Variants in NPL observed in about 807,000 individuals in gnomAD.
NPL encodes the protein N-acetylneuraminate pyruvate lyase.
In NPL, 32 loss-of-function variants were observed where a neutral mutation model predicts 41.1. That is an observed-to-expected ratio of 0.78 (90% CI 0.59 to 1.05). NPL has a LOEUF of 1.05. NPL is among the 50% of genes least tolerant of loss of function. NPL has a pLI of 0.00. For missense variants in NPL, 321 were observed against 378.4 expected (o/e 0.85, Z 1.26); for synonymous variants, 128 against 134.9 (o/e 0.95, Z 0.35).
intron 3 of NPL, among the ~76,000 whole-genome samples, chr1:182,803,321 T>C (rs1369965471): frequency 1.3e-5 from 2 of 152,246 alleles, no homozygotes; most frequent in African/African-American, 4.8e-5. Context: ...TTTAACCATG[T>C]CTGCAACCAT....
intron 3 of NPL, among the ~76,000 whole-genome samples, chr1:182,796,895 C>T (rs906407374): frequency 4.6e-5 from 7 of 151,988 alleles, no homozygotes; most frequent in African/African-American, 1.5e-4. Flanking sequence ...ATTAGCCTGG[C>T]GTGGTGGCGC....
chr1:182,790,102 A>C (rs1297870909), intron 1 of NPL, among the ~76,000 whole-genome samples: 1 of 152,200 alleles, frequency 6.6e-6, no homozygotes, highest in Non-Finnish European at 1.5e-5. Context: ...AATTGAGCAG[A>C]AGAGAGCTTA....
chr1:182,815,432 C>T (rs1404629488), intron 7 of NPL, among the ~76,000 whole-genome samples: 1 of 152,088 alleles, frequency 6.6e-6, no homozygotes, highest in African/African-American at 2.4e-5. Flanking sequence ...AGGATAAAAA[C>T]AGACATTATT....
chr1:182,790,253 C>T (rs2102519144), intron 1 of NPL, among the ~76,000 whole-genome samples: 1 of 152,298 alleles, frequency 6.6e-6, no homozygotes, highest in Non-Finnish European at 1.5e-5. Flanking sequence ...ATTCTGCCCT[C>T]ACTTTCTGTC....
chr1:182,804,026 A>T (rs1385617205), intron 4 of NPL, among the ~76,000 whole-genome samples: 1 of 152,242 alleles, frequency 6.6e-6, no homozygotes, highest in Non-Finnish European at 1.5e-5. Context: ...AGATGAAAAT[A>T]TATGACTCAG....
At chr1:182,825,280 A>T (rs560672404) in intron 11 of NPL, among the ~76,000 whole-genome samples, 4 of 152,306 alleles carry the variant, frequency 2.6e-5, no homozygotes, top group African/African-American at 9.6e-5. Flanking sequence ...GGGGAAACAG[A>T]AAAGAACAAC....
intron 5 of NPL, 33 bp from the exon 6 acceptor site, chr1:182,812,123 C>A: frequency 6.2e-7 from 1 of 1,612,206 alleles, no homozygotes; most frequent in South Asian, 1.1e-5. Context: ...CCTCTAAACT[C>A]TAAGCGATGC....
rs540465212 is a variant in NPL, at chr1:182,808,058, G to A, written c.230+1826G>A. 7.2e-5 allele frequency among the ~76,000 whole-genome samples: 11 copies of A among 152,200 alleles called. No individual in the cohort carries two copies. The South Asian group carries it at 8.3e-4, about 11-fold the overall frequency. On this transcript the variant is annotated intron_variant, in intron 5 of 12. Transcript: ENST00000367553. ...CAGTGTAGCAGGGGCCATAGAGCCC[G>A]ACTGCCTGAGTTAGAGGCCCAGCTC...
intron 8 of NPL, among the ~76,000 whole-genome samples, chr1:182,817,170 C>A (rs900164958): frequency 6.6e-6 from 1 of 152,186 alleles, no homozygotes; most frequent in Non-Finnish European, 1.5e-5. Flanking sequence ...GTGCCTGTAG[C>A]ACATAGGAAA....
rs1055075288 is a variant in NPL, at chr1:182,815,610, A to G, written c.364+752A>G. ...TTTTTAAAGTTTTAAAAATTTTTTAAATTATTTTTTAGAGATGAGGTCTTG... is the reference window on the plus strand; with the variant it reads ...TTTTTAAAGTTTTAAAAATTTTTTAGATTATTTTTTAGAGATGAGGTCTTG... On this transcript the variant is annotated intron_variant, in intron 7 of 12. Coordinates refer to ENST00000367553, the MANE Select transcript of NPL (RefSeq NM_030769.3). Among the ~76,000 whole-genome samples, 3 of 152,122 alleles carry G rather than the reference A, an allele frequency of 2.0e-5. No homozygotes were observed. The South Asian group carries it at 6.2e-4, about 32-fold the overall frequency.
In NPL at chr1:182,818,677, TG is replaced by T. The variant is rs1343365681; in HGVS notation, c.598del (p.Val200TrpfsTer6). 1 of 1,614,196 alleles carries T rather than the reference TG, an allele frequency of 6.2e-7. No individual in the cohort carries two copies. The highest frequency in any genetic ancestry group is 1.1e-5 in the South Asian group (1 of 91,080). ...NRQQQFAFLF[G>X]VDEQLLSALV... is the part of the protein sequence containing the mutation. Reference sequence around the variant, plus strand: ...GCCAGCAACAGTTTGCTTTCCTTTTTGGGGTGGATGAGGTAAGTCACCCCCT... The same window carrying T: ...GCCAGCAACAGTTTGCTTTCCTTTTTGGGTGGATGAGGTAAGTCACCCCCT... On this transcript the variant is annotated frameshift_variant, in exon 9 of 13. Transcript: ENST00000367553. LOFTEE classifies it high-confidence loss of function.
At chr1:182,816,373 T>G (rs1323444085) in intron 7 of NPL, among the ~76,000 whole-genome samples, 1 of 152,224 alleles carries the variant, frequency 6.6e-6, no homozygotes, top group African/African-American at 2.4e-5. Context: ...CTGTTCACAC[T>G]TAGCCTTTTT....
intron 8 of NPL, 33 bp from the exon 9 acceptor site, chr1:182,818,508 G>A (rs1667397049): frequency 6.2e-7 from 1 of 1,611,834 alleles, no homozygotes; most frequent in Non-Finnish European, 8.5e-7. Context: ...CTAGAGATGT[G>A]CAGATTAATG....
chr1:182,791,973 A>G (rs1416758747), intron 1 of NPL, among the ~76,000 whole-genome samples: 1 of 152,232 alleles, frequency 6.6e-6, no homozygotes, highest in African/African-American at 2.4e-5. Flanking sequence ...CAGAATTGAA[A>G]TGACTTAGTC....
At chr1:182,819,425 A>C (rs1667427665) in intron 10 of NPL, among the ~76,000 whole-genome samples, 1 of 151,234 alleles carries the variant, frequency 6.6e-6, no homozygotes, top group Non-Finnish European at 1.5e-5. Context: ...TAGCCCGGGC[A>C]ACAAGAGTGA....
At chr1:182,815,602 A>T (rs911719426) in intron 7 of NPL, among the ~76,000 whole-genome samples, 7 of 152,132 alleles carry the variant, frequency 4.6e-5, no homozygotes, top group African/African-American at 1.4e-4. Flanking sequence ...AGTTTTAAAA[A>T]TTTTTTAAAT....
At chr1:182,804,856 T>C (rs1012084929) in intron 4 of NPL, among the ~76,000 whole-genome samples, 8 of 152,170 alleles carry the variant, frequency 5.3e-5, no homozygotes, top group African/African-American at 1.9e-4. Context: ...TCTACAGCGC[T>C]AAGCCATAGT....
chr1:182,791,656 C>CT (rs1666520292), intron 1 of NPL, among the ~76,000 whole-genome samples: 3 of 152,160 alleles, frequency 2.0e-5, no homozygotes, highest in Admixed American at 2.0e-4. Flanking sequence ...AGTTTTATTT[C>CT]TTTCCATTAA....
At chr1:182,821,603 C>T (rs188262664) in intron 10 of NPL, among the ~76,000 whole-genome samples, 2 of 152,256 alleles carry the variant, frequency 1.3e-5, no homozygotes. Context: ...AGTAAATGAT[C>T]CCTCATTTTA....
Sources: allele counts gnomAD v4.1 joint callset (sites outside exome capture counted in the v4.1 genomes callset), GRCh38; gene constraint gnomAD v4.1.1; transcripts MANE v1.5; gene names NCBI Gene and HGNC (gene_info 2026-07-23, HGNC 2026-07-21).